Variants in CAMSAP3 observed in about 807,000 individuals in gnomAD.
The protein encoded by CAMSAP3 is calmodulin regulated spectrin associated protein family member 3, also known as calmodulin-regulated spectrin-associated protein 3.
A neutral mutation model predicts 112.5 loss-of-function variants in CAMSAP3; 34 were observed. The observed-to-expected ratio is 0.30, with a 90% CI of 0.23 to 0.40. The LOEUF is 0.40. Among genes scored for constraint, CAMSAP3 ranks in the 10% least tolerant of loss-of-function variants. CAMSAP3 has a pLI of 1.00. For synonymous variants in CAMSAP3, 868 were observed against 799.8 expected, an observed-to-expected ratio of 1.09 and a Z score of -1.44; for missense variants, 1,602 against 1,770.3, an observed-to-expected ratio of 0.90 and a Z score of 1.71.
At position 7,615,760 on chromosome 19, in the gene CAMSAP3, C is replaced by T; in HGVS notation, c.3112+41C>T. The T allele has an allele frequency of 7.8e-7, 1 of 1,274,124 alleles. No homozygotes were observed. The highest frequency in any genetic ancestry group is 2.0e-5 in the South Asian group (1 of 50,088). 78.9% of individuals were successfully genotyped at this position (1,274,124 alleles called of 1,614,324 possible). A position where few individuals can be genotyped will look rare whatever the true frequency, so the allele number is the denominator to read the frequency against. On this transcript the variant is annotated intron_variant, in intron 13 of 16. Coordinates refer to ENST00000160298, the MANE Select transcript of CAMSAP3 (RefSeq NM_020902.2). The surrounding 1 kb of genome is among the most constrained non-coding windows in gnomAD (Gnocchi z 6.5). The stretch of plus-strand genomic sequence containing the variant: ...GGACGGGGCCTGCCCAGTGCCCTTT[C>T]CGGGGCTCACTGGGTGAGGCCCCCA...
chr19:7,611,271 CCAT>C lies in CAMSAP3; in HGVS notation c.1123+106_1123+108del. The C allele has an allele frequency of 8.5e-7, 1 of 1,172,436 alleles. No homozygotes were observed. The highest frequency in any genetic ancestry group is 1.9e-5 in the Admixed American group (1 of 53,598). The allele number at this position is 1,172,436 out of a possible 1,614,324, so 72.6% of individuals were successfully genotyped here. A position where few individuals can be genotyped will look rare whatever the true frequency, so the allele number is the denominator to read the frequency against. ...CCTCGTGAGCCTTCCAATAGCCTCT[CCAT>C]CAGATCCCCCTTGGGCATCCCAAAG... On this transcript the variant is annotated intron_variant, in intron 9 of 16. Transcript: ENST00000160298. The surrounding 1 kb of genome is among the most constrained non-coding windows in gnomAD (Gnocchi z 6.9).
chr19:7,611,243 T>A lies in CAMSAP3; in HGVS notation c.1123+75T>A. ...GACTGCCCCAGTGGGCCTCATGTTG[T>A]CTCCTCGTGAGCCTTCCAATAGCCT... On this transcript the variant is annotated intron_variant, in intron 9 of 16. Transcript: ENST00000160298. The surrounding 1 kb of genome is among the most constrained non-coding windows in gnomAD (Gnocchi z 6.9). 1 of 1,443,244 alleles carries A rather than the reference T, an allele frequency of 6.9e-7. No individual in the cohort carries two copies. Among genetic ancestry groups the A allele is most frequent in the South Asian group, 1.2e-5 (1 of 85,920 alleles). 89.4% of individuals were successfully genotyped at this position (1,443,244 alleles called of 1,614,324 possible).
chr19:7,613,957 A>G (rs964817334), intron 11 of CAMSAP3, among the ~76,000 whole-genome samples: 2 of 151,944 alleles, frequency 1.3e-5, no homozygotes, highest in Non-Finnish European at 2.9e-5. Flanking sequence ...CCTTGCTTTT[A>G]GAATGAAAGT....
Position 7,612,399 on chromosome 19 carries a change from G to A in CAMSAP3, c.1906G>A (p.Ala636Thr), listed in dbSNP as rs2030544225. The change falls in exon 11 of 17, where the codon GCC (alanine) becomes ACC (threonine). Residue 636 changes from alanine (A) to threonine (T), a missense_variant. Physicochemically the swap from Ala to Thr is moderately conservative, Grantham distance 58. Coordinates refer to ENST00000160298, the MANE Select transcript of CAMSAP3 (RefSeq NM_020902.2). ...AKHRQRLGKSAFLQVQPREAS... is the reference protein window; with the variant it reads ...AKHRQRLGKSTFLQVQPREAS... ...GCACCGCCAGCGGCTGGGCAAAAGC[G>A]CCTTCCTGCAGGTGCAGCCGCGGGA... is the stretch of plus-strand genomic sequence containing the variant. 1 of 1,595,998 alleles carries A rather than the reference G, an allele frequency of 6.3e-7. No homozygotes were observed. Among genetic ancestry groups the A allele is most frequent in the Non-Finnish European group, 8.5e-7 (1 of 1,174,180 alleles).
In CAMSAP3 at chr19:7,615,247, G is replaced by A. The variant is rs368356046; in HGVS notation, c.2735G>A (p.Arg912Gln). Residue 912 changes from arginine (R) to glutamine (Q), a missense_variant, in exon 12 of 17, where the codon CGG becomes CAG. This residue lies in a region of CAMSAP3 where 1,100 missense variants were observed against 1,135.7 expected (regional missense o/e 0.97). Transcript: ENST00000160298. This position sits in a 1 kb window ranked among gnomAD's most constrained non-coding sequence, Gnocchi z 6.5. ...KRASLLERQQ[R>Q]RAEEARRRKQ... ...GCCAGCCTGCTGGAGCGGCAGCAGC[G>A]GCGAGCAGAGGAGGCGCGGCGGCGC... 9.7e-6 allele frequency: 15 copies of A among 1,551,242 alleles called. No individual in the cohort carries two copies. Among genetic ancestry groups the A allele is most frequent in the African/African-American group, 5.5e-5 (4 of 73,144 alleles).
At chr19:7,608,321 C>T in intron 5 of CAMSAP3, 57 bp downstream of exon 5, 1 of 1,575,976 alleles carries the variant, frequency 6.3e-7, no homozygotes, top group Non-Finnish European at 8.7e-7. Context: ...TCCTAAGTCC[C>T]AGCCCCTAGA....
In CAMSAP3 at chr19:7,610,936, G is replaced by T. The variant is rs746068883; in HGVS notation, c.1049+5G>T. The T allele has an allele frequency of 6.3e-7, 1 of 1,580,336 alleles. No individual in the cohort carries two copies. Among genetic ancestry groups the T allele is most frequent in the Non-Finnish European group, 8.6e-7 (1 of 1,161,830 alleles). ...TCAGAACAACAGCGGCAGTAGGTAC[G>T]CTCCCCACACTGGGCGAGTCTCTGG... On this transcript the variant is annotated splice_donor_5th_base_variant and intron_variant, in intron 8 of 16. Transcript: ENST00000160298. This position sits in a 1 kb window ranked among gnomAD's most constrained non-coding sequence, Gnocchi z 4.9.
intron 4 of CAMSAP3, chr19:7,606,772 C>T (rs978381045): frequency 6.2e-7 from 1 of 1,613,852 alleles, no homozygotes; most frequent in Admixed American, 1.7e-5. Context: ...CCTCTCTGGC[C>T]TCAGTGCCCT....
rs945625595 is a variant in CAMSAP3, at chr19:7,615,610, G to C, written c.3003G>C (p.Arg1001=). Residue 1001 remains arginine (R), a synonymous_variant, in exon 13 of 17, where the codon CGG becomes CGC. Coordinates refer to ENST00000160298, the MANE Select transcript of CAMSAP3 (RefSeq NM_020902.2). This position sits in a 1 kb window ranked among gnomAD's most constrained non-coding sequence, Gnocchi z 6.5. ...ACCTCGATAAGGTGCTGCGGCCCCG[G>C]GCTGCGGGGTCCGGGGGTCCAGGTC... ...MDDLDKVLRP[R]AAGSGGPGRG... 2.1e-6 allele frequency: 3 copies of C among 1,462,016 alleles called. No homozygotes were observed. Among genetic ancestry groups the C allele is most frequent in the Non-Finnish European group, 2.7e-6 (3 of 1,108,060 alleles). The allele number at this position is 1,462,016 out of a possible 1,614,324, so 90.6% of individuals were successfully genotyped here. A position where few individuals can be genotyped will look rare whatever the true frequency, so the allele number is the denominator to read the frequency against.
In CAMSAP3 at chr19:7,617,814, C is replaced by T. The variant is rs1246500693; in HGVS notation, c.3507C>T (p.Phe1169=). Residue 1169 remains phenylalanine (F), a synonymous_variant, in exon 17 of 17, where the codon TTC becomes TTT. Coordinates refer to ENST00000160298, the MANE Select transcript of CAMSAP3 (RefSeq NM_020902.2). This position sits in a 1 kb window ranked among gnomAD's most constrained non-coding sequence, Gnocchi z 7.5. ...LILFRDSSCQ[F]RALYTLSGET... Reference sequence around the variant, plus strand: ...TCTTTCGCGACTCGAGCTGCCAGTTCCGGGCGCTCTACACGCTGTCGGGGG... The same window carrying T: ...TCTTTCGCGACTCGAGCTGCCAGTTTCGGGCGCTCTACACGCTGTCGGGGG... 1.2e-6 allele frequency: 2 copies of T among 1,613,880 alleles called. No individual in the cohort carries two copies. Among genetic ancestry groups the T allele is most frequent in the Admixed American group, 1.7e-5 (1 of 60,018 alleles).
At chr19:7,602,229 A>G (rs935966593) in intron 1 of CAMSAP3, among the ~76,000 whole-genome samples, 1 of 152,050 alleles carries the variant, frequency 6.6e-6, no homozygotes, top group Non-Finnish European at 1.5e-5. Flanking sequence ...CAGACCAGAG[A>G]TTTTGCTAAA....
In CAMSAP3 at chr19:7,610,689, C is replaced by G; in HGVS notation, c.901-11C>G. Reference sequence around the variant, plus strand: ...GGGGTCCCGTCTGCTGACCCGGCCTCCCACCTCCAGGTCAACTTGGTGGTG... The same window carrying G: ...GGGGTCCCGTCTGCTGACCCGGCCTGCCACCTCCAGGTCAACTTGGTGGTG... On this transcript the variant is annotated splice_polypyrimidine_tract_variant and intron_variant, in intron 6 of 16. Transcript: ENST00000160298. The surrounding 1 kb of genome is among the most constrained non-coding windows in gnomAD (Gnocchi z 4.9). 1 of 1,613,956 alleles carries G rather than the reference C, an allele frequency of 6.2e-7. No individual in the cohort carries two copies. Among genetic ancestry groups the G allele is most frequent in the Non-Finnish European group, 8.5e-7 (1 of 1,179,966 alleles).
intron 5 of CAMSAP3, among the ~76,000 whole-genome samples, chr19:7,608,518 A>G (rs2030327871): frequency 6.6e-6 from 1 of 152,054 alleles, no homozygotes; most frequent in African/African-American, 2.4e-5. Flanking sequence ...TGGAGTGTGG[A>G]CTGTGTGCCA....
chr19:7,596,008 G>A lies in CAMSAP3; in HGVS notation c.6G>A (p.Val2=). 2 of 1,131,352 alleles carry A rather than the reference G, an allele frequency of 1.8e-6. No individual in the cohort carries two copies. Among genetic ancestry groups the A allele is most frequent in the Non-Finnish European group, 2.2e-6 (2 of 909,488 alleles). 70.1% of individuals were successfully genotyped at this position (1,131,352 alleles called of 1,614,324 possible). Reference sequence around the variant, plus strand: ...CCCGCAGCCCCGGCGCCGCCATGGTGGAGGCGGCGCCCCCCGGGCCCGGGC... The same window carrying A: ...CCCGCAGCCCCGGCGCCGCCATGGTAGAGGCGGCGCCCCCCGGGCCCGGGC... M[V]EAAPPGPGPL... Residue 2 remains valine, a synonymous_variant, in exon 1 of 17, where the codon GTG becomes GTA. Transcript: ENST00000160298.
At position 7,617,651 on chromosome 19, in the gene CAMSAP3, G is replaced by C; in HGVS notation, c.3434G>C (p.Arg1145Pro). The C allele has an allele frequency of 6.2e-7, 1 of 1,614,092 alleles. No homozygotes were observed. Among genetic ancestry groups the C allele is most frequent in the Non-Finnish European group, 8.5e-7 (1 of 1,179,980 alleles). ...AGKVNEPQKN[R>P]ILEEIEKSKA... ...AAGGTGAACGAACCGCAGAAGAATC[G>C]CATTCTGGAGGTGAGCCCGCCCACA... Residue 1145 changes from arginine (R) to proline (P), a missense_variant, in exon 16 of 17, where the codon CGC (arginine) becomes CCC (proline). Arg to Pro is a moderately radical substitution (Grantham distance 103). Transcript: ENST00000160298. This position sits in a 1 kb window ranked among gnomAD's most constrained non-coding sequence, Gnocchi z 7.5.
intron 1 of CAMSAP3, among the ~76,000 whole-genome samples, chr19:7,598,125 C>T (rs1464438577): frequency 6.6e-6 from 1 of 151,926 alleles, no homozygotes; most frequent in Admixed American, 6.6e-5. Context: ...GGGGGATGGG[C>T]AGGAAACCAG....
At position 7,615,814 on chromosome 19, in the gene CAMSAP3, T is replaced by A. The variant is rs1379132000; in HGVS notation, c.3112+95T>A. On this transcript the variant is annotated intron_variant, in intron 13 of 16. Coordinates refer to ENST00000160298, the MANE Select transcript of CAMSAP3 (RefSeq NM_020902.2). The surrounding 1 kb of genome is among the most constrained non-coding windows in gnomAD (Gnocchi z 6.5). ...GTAAGGGGGGAGGGGGAGGGAGATG[T>A]AAGCAGGGGTGCCGGGAGGGGGCGG... 3.6e-5 allele frequency: 6 copies of A among 166,642 alleles called. No individual in the cohort carries two copies. The highest frequency in any genetic ancestry group is 4.6e-5 in the Non-Finnish European group (6 of 129,574). The allele number at this position is 166,642 out of a possible 1,614,324, so 10.3% of individuals were successfully genotyped here. A position where few individuals can be genotyped will look rare whatever the true frequency, so the allele number is the denominator to read the frequency against.
Position 7,611,511 on chromosome 19 carries a change from C to T in CAMSAP3, c.1124-6C>T, listed in dbSNP as rs1402835652. 1 of 1,608,786 alleles carries T rather than the reference C, an allele frequency of 6.2e-7. No homozygotes were observed. Among genetic ancestry groups the T allele is most frequent in the Non-Finnish European group, 8.5e-7 (1 of 1,177,772 alleles). On this transcript the variant is annotated splice_polypyrimidine_tract_variant and splice_region_variant and intron_variant, in intron 9 of 16. Coordinates refer to ENST00000160298, the MANE Select transcript of CAMSAP3 (RefSeq NM_020902.2). The surrounding 1 kb of genome is among the most constrained non-coding windows in gnomAD (Gnocchi z 6.9). ...CCCCATAGTGACCACTCATCGCCTC[C>T]CCCAGGCTCCCTGAAGTCTTCCCCG...
chr19:7,616,493 TG>T, intron 13 of CAMSAP3, 29 bp from the exon 14 acceptor site: 2 of 1,498,070 alleles, frequency 1.3e-6, no homozygotes, highest in Non-Finnish European at 1.9e-6. Context: ...GGGCTTCTGG[TG>T]GGCACTGACC....
Sources: allele counts gnomAD v4.1 joint callset (sites outside exome capture counted in the v4.1 genomes callset), GRCh38; gene constraint gnomAD v4.1.1; regional missense constraint gnomAD v4.1.1; non-coding constraint Gnocchi (gnomAD v3.1); transcripts MANE v1.5; gene names NCBI Gene and HGNC (gene_info 2026-07-23, HGNC 2026-07-21).